Variants in ETV6 observed in about 807,000 individuals in gnomAD.
ETV6 encodes the protein ETS variant transcription factor 6, also known as transcription factor ETV6.
Under a neutral mutation model 51.1 loss-of-function variants are expected in ETV6, and 16 were observed. The observed-to-expected ratio is 0.31, with a 90% CI of 0.21 to 0.48. The LOEUF (loss-of-function observed/expected upper bound fraction) is 0.48, where lower values mean the gene tolerates loss of function less well. Ranked by LOEUF, ETV6 falls within the 20% of genes least tolerant of loss-of-function variation. The probability of loss-of-function intolerance (pLI) is 0.99; values close to 1 mark genes in which losing one functional copy is unlikely to be tolerated. For missense variants in ETV6, 458 were observed against 594.8 expected (o/e 0.77, Z 2.39); for synonymous variants, 240 against 224.1 (o/e 1.07, Z -0.64).
intron 2 of ETV6, among the ~76,000 whole-genome samples, chr12:11,800,666 A>G (rs1394551521): frequency 6.6e-6 from 1 of 152,198 alleles, no homozygotes; most frequent in Non-Finnish European, 1.5e-5. Context: ...ACTTAGCATA[A>G]TGTGCACCAG....
rs1555132566 is a variant in ETV6 at position 11,796,779 on chromosome 12, T to TTG, written c.164-42347_164-42346dup. Among the ~76,000 whole-genome samples the TTG allele has an allele frequency of 4.2e-3, 594 of 140,940 alleles. 4 individuals are homozygous for TTG. The highest frequency in any genetic ancestry group is 7.4e-3 in the Middle Eastern group (2 of 270). The allele number at this position is 140,940 out of a possible 152,430, so 92.5% of individuals were successfully genotyped here. A position where few individuals can be genotyped will look rare whatever the true frequency, so the allele number is the denominator to read the frequency against. The stretch of plus-strand genomic sequence containing the variant: ...TTTCTTCCTTTTCTTTTTTTTTTTT[T>TTG]TGTGTGTGTGTGTGTTTTGATTTTT... On this transcript the variant is annotated intron_variant, in intron 2 of 7. Transcript: ENST00000396373.
chr12:11,805,198 A>T (rs1199753578), intron 2 of ETV6, among the ~76,000 whole-genome samples: 1 of 152,122 alleles, frequency 6.6e-6, no homozygotes, highest in East Asian at 1.9e-4. Flanking sequence ...CTGAGGTTTT[A>T]TGAAGTTCTG....
intron 2 of ETV6, among the ~76,000 whole-genome samples, chr12:11,806,684 C>T (rs978213511): frequency 1.3e-5 from 2 of 152,186 alleles, no homozygotes; most frequent in Non-Finnish European, 2.9e-5. Context: ...AACTTTCAAG[C>T]ATTCATACAT....
Position 11,892,584 on chromosome 12 carries a change from T to C in ETV6, c.*1538T>C, listed in dbSNP as rs1471515786. ...CAGAAATCCAATATTTGGAGTACAA[T>C]TTCTTTTAATCCAGATTACACCTGC... is the stretch of plus-strand genomic sequence containing the variant. On this transcript the variant is annotated 3_prime_UTR_variant, in exon 8 of 8. Transcript: ENST00000396373. The C allele has an allele frequency of 8.6e-6, 2 of 232,738 alleles. No homozygotes were observed. Among genetic ancestry groups the C allele is most frequent in the African/African-American group, 2.2e-5 (1 of 45,258 alleles). 14.4% of individuals were successfully genotyped at this position (232,738 alleles called of 1,614,324 possible).
intron 3 of ETV6, among the ~76,000 whole-genome samples, chr12:11,851,190 A>G (rs1398707809): frequency 6.6e-6 from 1 of 150,556 alleles, no homozygotes; most frequent in Admixed American, 6.6e-5. Flanking sequence ...CTAAATTTAT[A>G]TTTCCTGGCC....
intron 2 of ETV6, among the ~76,000 whole-genome samples, chr12:11,807,089 C>T (rs1335404814): frequency 6.6e-6 from 1 of 152,214 alleles, no homozygotes; most frequent in Non-Finnish European, 1.5e-5. Context: ...GGGTCACAAA[C>T]GTCAGTTTGC....
chr12:11,813,321 C>A (rs1217324723), intron 2 of ETV6, among the ~76,000 whole-genome samples: 1 of 152,146 alleles, frequency 6.6e-6, no homozygotes, highest in African/African-American at 2.4e-5. Flanking sequence ...CCTCTGCCGG[C>A]CTTTGGGTGG....
chr12:11,890,902 A>G lies in ETV6; in HGVS notation c.1254-39A>G. 2 of 1,512,252 alleles carry G rather than the reference A, an allele frequency of 1.3e-6. 1 individual carries two copies. The highest frequency in any genetic ancestry group is 2.3e-5 in the South Asian group (2 of 88,888). The allele number at this position is 1,512,252 out of a possible 1,614,324, so 93.7% of individuals were successfully genotyped here. A position where few individuals can be genotyped will look rare whatever the true frequency, so the allele number is the denominator to read the frequency against. ...GTTCAGAGTGAAGACAGCTTTAGGA[A>G]AATGGAATCTCTTACCTCCTCCACT... On this transcript the variant is annotated intron_variant, in intron 7 of 7. Transcript: ENST00000396373.
At chr12:11,741,594 A>C (rs76229576) in intron 1 of ETV6, among the ~76,000 whole-genome samples, 4,994 of 152,298 alleles carry the variant, frequency 0.033, 275 homozygotes, top group African/African-American at 0.11. Flanking sequence ...CAGAGGCAAT[A>C]GGGAGAAAAT....
intron 2 of ETV6, among the ~76,000 whole-genome samples, chr12:11,811,426 G>C (rs570403420): frequency 1.3e-5 from 2 of 152,132 alleles, no homozygotes; most frequent in Non-Finnish European, 2.9e-5. Flanking sequence ...CGCTGCCTTC[G>C]AAACACTTCC....
intron 1 of ETV6, among the ~76,000 whole-genome samples, chr12:11,653,046 T>A (rs1478782163): frequency 1.3e-5 from 2 of 151,822 alleles, no homozygotes; most frequent in African/African-American, 4.8e-5. Flanking sequence ...CGAGCACTCC[T>A]GGGGGGGTCT....
chr12:11,852,938 G>A (rs1449242505), intron 3 of ETV6, among the ~76,000 whole-genome samples: 1 of 152,194 alleles, frequency 6.6e-6, no homozygotes, highest in Non-Finnish European at 1.5e-5. Context: ...TGTAATCCCA[G>A]CACTTTGGGA....
At chr12:11,743,881 G>T (rs372453165) in intron 1 of ETV6, among the ~76,000 whole-genome samples, 1 of 152,128 alleles carries the variant, frequency 6.6e-6, no homozygotes, top group Non-Finnish European at 1.5e-5. Context: ...TGATGCTGTG[G>T]CACAAAGAAG....
intron 1 of ETV6, among the ~76,000 whole-genome samples, chr12:11,748,978 G>T (rs112253736): frequency 6.6e-6 from 1 of 151,934 alleles, no homozygotes; most frequent in Non-Finnish European, 1.5e-5. Flanking sequence ...TCTTCCCAGC[G>T]CTTTGTGCCG....
chr12:11,690,178 C>T (rs1210403569), intron 1 of ETV6, among the ~76,000 whole-genome samples: 1 of 150,874 alleles, frequency 6.6e-6, no homozygotes, highest in Admixed American at 6.6e-5. Context: ...AGGGATGCAC[C>T]CTTCTTGTCT....
At chr12:11,745,745 C>T (rs1865895785) in intron 1 of ETV6, among the ~76,000 whole-genome samples, 1 of 152,182 alleles carries the variant, frequency 6.6e-6, no homozygotes, top group East Asian at 1.9e-4. Context: ...TTTAGATTTG[C>T]TGCTCTTGGG....
intron 2 of ETV6, among the ~76,000 whole-genome samples, chr12:11,817,810 A>G (rs971442273): frequency 2.6e-5 from 4 of 152,162 alleles, no homozygotes; most frequent in African/African-American, 9.7e-5. Context: ...TAGCGGGAAA[A>G]AAGACATATG....
intron 4 of ETV6, among the ~76,000 whole-genome samples, chr12:11,857,233 A>T (rs1443961823): frequency 6.6e-6 from 1 of 152,186 alleles, no homozygotes; most frequent in East Asian, 1.9e-4. Context: ...TGTATCCTCT[A>T]TGACTTTCTT....
intron 4 of ETV6, among the ~76,000 whole-genome samples, chr12:11,862,599 G>A (rs1946732747): frequency 6.6e-6 from 1 of 152,136 alleles, no homozygotes; most frequent in African/African-American, 2.4e-5. Context: ...TTGCCTTGGA[G>A]GTCTCTGCCT....
Sources: allele counts gnomAD v4.1 joint callset (sites outside exome capture counted in the v4.1 genomes callset), GRCh38; gene constraint gnomAD v4.1.1; transcripts MANE v1.5; gene names NCBI Gene and HGNC (gene_info 2026-07-23, HGNC 2026-07-21).